SLC44A5: variants seen among roughly 807,000 people sequenced by gnomAD.
The protein encoded by SLC44A5 is choline transporter-like protein 5.
A neutral mutation model predicts 101.8 loss-of-function variants in SLC44A5; 57 were observed. The ratio of observed to expected loss-of-function variants is 0.56; its 90% CI spans 0.45 to 0.70. The LOEUF is 0.70. SLC44A5 is among the 30% of genes least tolerant of loss of function. The pLI is 0.00. For missense variants in SLC44A5, 737 were observed against 853.1 expected, an observed-to-expected ratio of 0.86 and a Z score of 1.70; for synonymous variants, 281 against 290.9, an observed-to-expected ratio of 0.97 and a Z score of 0.35.
At chr1:75,249,348 T>A (rs1351028617) in intron 7 of SLC44A5, among the ~76,000 whole-genome samples, 1 of 151,932 alleles carries the variant, frequency 6.6e-6, no homozygotes, top group Admixed American at 6.6e-5. Flanking sequence ...CTAGAAAAAA[T>A]CATGAGGTAG....
chr1:75,658,655 A>G, the SLC44A5 span, among the ~76,000 whole-genome samples: 2 of 152,166 alleles, frequency 1.3e-5, no homozygotes, highest in East Asian at 3.9e-4. Flanking sequence ...TTATAACAAT[A>G]AACACCTACA....
the SLC44A5 span, among the ~76,000 whole-genome samples, chr1:75,715,675 G>T: frequency 2.6e-5 from 4 of 152,062 alleles, no homozygotes; most frequent in Admixed American, 1.3e-4. Context: ...AAATGTAAAA[G>T]CTAAAACTAT....
chr1:75,375,370 T>A (rs534066025), intron 3 of SLC44A5, among the ~76,000 whole-genome samples: 1 of 152,202 alleles, frequency 6.6e-6, no homozygotes, highest in Non-Finnish European at 1.5e-5. Flanking sequence ...CTCACTGGCA[T>A]GTCTGAGAGA....
Position 75,207,831 on chromosome 1 carries a change from T to C in SLC44A5, c.2047+3637A>G, listed in dbSNP as rs12085943. Among the ~76,000 whole-genome samples, 879 of 152,300 alleles carry C rather than the reference T, an allele frequency of 5.8e-3. 10 individuals carry two copies. Among genetic ancestry groups the C allele is most frequent in the African/African-American group, 0.02 (833 of 41,566 alleles). On this transcript the variant is annotated intron_variant, in intron 23 of 23. Coordinates refer to ENST00000370859, the MANE Select transcript of SLC44A5 (RefSeq NM_001130058.2). ...ATTAATTTTAAATTGTGTACTATTA[T>C]GAGTAGCATAATGAGACCTCAAACC...
the SLC44A5 span, among the ~76,000 whole-genome samples, chr1:75,684,053 T>C: frequency 6.6e-6 from 1 of 152,082 alleles, no homozygotes; most frequent in Non-Finnish European, 1.5e-5. Flanking sequence ...ACCTCACAAT[T>C]ATGGTGGAAC....
At position 75,339,644 on chromosome 1, in the gene SLC44A5, A is replaced by G; in HGVS notation, c.53-14T>C. On this transcript the variant is annotated splice_polypyrimidine_tract_variant and intron_variant, in intron 3 of 23. Transcript: ENST00000370859. Reference sequence around the variant, plus strand: ...TCCTTGGATCACCTGCATTTAAAACAAAGACATTTTAAGCATATAAGCCAG... The same window carrying G: ...TCCTTGGATCACCTGCATTTAAAACGAAGACATTTTAAGCATATAAGCCAG... 1.2e-6 allele frequency: 2 copies of G among 1,604,654 alleles called. No individual in the cohort carries two copies. Among genetic ancestry groups the G allele is most frequent in the Non-Finnish European group, 1.7e-6 (2 of 1,175,226 alleles).
chr1:75,485,373 C>A (rs1557837142), intron 2 of SLC44A5, among the ~76,000 whole-genome samples: 1 of 152,216 alleles, frequency 6.6e-6, no homozygotes, highest in Non-Finnish European at 1.5e-5. Flanking sequence ...TGTCTAGGAT[C>A]TCTAGGGCAG....
chr1:75,383,457 C>T (rs1661050214), intron 3 of SLC44A5, among the ~76,000 whole-genome samples: 1 of 151,782 alleles, frequency 6.6e-6, no homozygotes, highest in South Asian at 2.1e-4. Flanking sequence ...CCCACCCCTA[C>T]AATGGAAGAT....
intron 1 of SLC44A5, chr1:75,582,359 G>T: frequency 1.5e-5 from 16 of 1,069,924 alleles, no homozygotes; most frequent in Non-Finnish European, 2.2e-5. Context: ...CCCAAAGGGT[G>T]TCAGCCACAA....
chr1:75,476,080 G>A (rs1450212691), intron 2 of SLC44A5, among the ~76,000 whole-genome samples: 1 of 152,112 alleles, frequency 6.6e-6, no homozygotes, highest in Admixed American at 6.5e-5. Context: ...CTACTCAGGA[G>A]GCTGAGGCAT....
intron 2 of SLC44A5, among the ~76,000 whole-genome samples, chr1:75,525,621 AAAG>A (rs1670366024): frequency 6.6e-6 from 1 of 152,178 alleles, no homozygotes; most frequent in African/African-American, 2.4e-5. Context: ...TGTTTGAAAA[AAAG>A]AGAGAGAATG....
At chr1:75,582,466 G>A (rs766085631) in intron 1 of SLC44A5, 4 of 622,912 alleles carry the variant, frequency 6.4e-6, no homozygotes, top group Admixed American at 2.4e-5. Context: ...CAAAGGCCAA[G>A]ACCAAGGATC....
At chr1:75,433,144 G>A (rs980251622) in intron 2 of SLC44A5, among the ~76,000 whole-genome samples, 5 of 152,004 alleles carry the variant, frequency 3.3e-5, no homozygotes, top group Admixed American at 6.6e-5. Context: ...ACTATCTCAT[G>A]TCTCCCCCTT....
At chr1:75,241,734 A>T (rs1300340104) in intron 9 of SLC44A5, among the ~76,000 whole-genome samples, 1 of 152,088 alleles carries the variant, frequency 6.6e-6, no homozygotes, top group East Asian at 1.9e-4. Flanking sequence ...GCACCAAATG[A>T]TCAATCTGAC....
Position 75,202,572 on chromosome 1 carries a change from C to T in SLC44A5, c.*1155G>A, listed in dbSNP as rs181295992. 2 of 151,964 alleles carry T rather than the reference C, an allele frequency of 1.3e-5. No individual in the cohort carries two copies. Among genetic ancestry groups the T allele is most frequent in the African/African-American group, 4.8e-5 (2 of 41,402 alleles). The allele number at this position is 151,964 out of a possible 1,614,324, so 9.4% of individuals were successfully genotyped here. ...AATTATGTTCCTGTTTATAGTAGTACAATACAATTAACATACTGTAAGTAA... is the reference window on the plus strand; with the variant it reads ...AATTATGTTCCTGTTTATAGTAGTATAATACAATTAACATACTGTAAGTAA... On this transcript the variant is annotated 3_prime_UTR_variant, in exon 24 of 24. Coordinates refer to ENST00000370859, the MANE Select transcript of SLC44A5 (RefSeq NM_001130058.2).
chr1:75,210,382 T>C (rs900029680), intron 23 of SLC44A5, among the ~76,000 whole-genome samples: 2 of 152,102 alleles, frequency 1.3e-5, no homozygotes, highest in Non-Finnish European at 2.9e-5. Flanking sequence ...CCCTATTTTG[T>C]GTATGGGAGT....
chr1:75,297,769 G>T (rs538029967), intron 5 of SLC44A5, among the ~76,000 whole-genome samples: 1 of 152,128 alleles, frequency 6.6e-6, no homozygotes, highest in Non-Finnish European at 1.5e-5. Context: ...ATAAAGGTTA[G>T]TTTGATCTTT....
At chr1:75,500,041 T>C (rs1247839093) in intron 2 of SLC44A5, among the ~76,000 whole-genome samples, 1 of 152,182 alleles carries the variant, frequency 6.6e-6, no homozygotes, top group Non-Finnish European at 1.5e-5. Context: ...AAAGATGGCA[T>C]ACCAATGAAG....
chr1:75,383,261 C>G (rs200295102), intron 3 of SLC44A5, among the ~76,000 whole-genome samples: 3 of 126,560 alleles, frequency 2.4e-5, no homozygotes, highest in African/African-American at 9.2e-5. Context: ...TCCCCCTCTT[C>G]GAGAAACACC....
Sources: allele counts gnomAD v4.1 joint callset (sites outside exome capture counted in the v4.1 genomes callset), GRCh38; gene constraint gnomAD v4.1.1; transcripts MANE v1.5; gene names NCBI Gene and HGNC (gene_info 2026-07-23, HGNC 2026-07-21).